Variants in RAB38 observed in about 807,000 individuals in gnomAD.
RAB38 encodes the protein RAB38, member RAS oncogene family.
RAB38 carries 15 observed loss-of-function variants against 18.4 expected under a neutral mutation model. The observed-to-expected ratio is 0.82, with a 90% CI of 0.55 to 1.26. The LOEUF (loss-of-function observed/expected upper bound fraction) is 1.26, where lower values mean the gene tolerates loss of function less well. RAB38 is among the 50% of genes most tolerant of loss of function. RAB38 has a pLI of 0.00. For synonymous variants in RAB38, 101 were observed against 104.4 expected (o/e 0.97, Z 0.20); for missense variants, 294 against 267.4 (o/e 1.10, Z -0.69).
chr11:87,953,453 A>C, the RAB38 span, among the ~76,000 whole-genome samples: 2 of 152,186 alleles, frequency 1.3e-5, no homozygotes, highest in Non-Finnish European at 2.9e-5. Flanking sequence ...GGTTTTAGCT[A>C]CTTATATTTA....
chr11:88,008,999 G>A, the RAB38 span, among the ~76,000 whole-genome samples: 720 of 152,218 alleles, frequency 4.7e-3, 3 homozygotes, highest in African/African-American at 0.017. Flanking sequence ...GTAAACAAAC[G>A]TGGTCTCTAA....
intron 2 of RAB38, among the ~76,000 whole-genome samples, chr11:88,126,895 T>C (rs1306634199): frequency 6.6e-6 from 1 of 152,126 alleles, no homozygotes; most frequent in Non-Finnish European, 1.5e-5. Flanking sequence ...AACTTAGCAA[T>C]AGTGCTGGCA....
chr11:87,832,845 C>T, the RAB38 span, among the ~76,000 whole-genome samples: 1 of 152,024 alleles, frequency 6.6e-6, no homozygotes, highest in African/African-American at 2.4e-5. Context: ...GTCCCTTTTA[C>T]CATGTAACGT....
the RAB38 span, among the ~76,000 whole-genome samples, chr11:88,005,253 G>A: frequency 6.6e-6 from 1 of 151,414 alleles, no homozygotes; most frequent in African/African-American, 2.4e-5. Context: ...TAAAGCCAAT[G>A]AAGACAGCGG....
the RAB38 span, among the ~76,000 whole-genome samples, chr11:87,938,423 CT>C: frequency 6.6e-6 from 1 of 152,064 alleles, no homozygotes; most frequent in Non-Finnish European, 1.5e-5. Flanking sequence ...CCTTAGCCCT[CT>C]CTGGCACTAC....
At chr11:88,134,741 A>G (rs936222633) in intron 2 of RAB38, among the ~76,000 whole-genome samples, 29 of 152,192 alleles carry the variant, frequency 1.9e-4, no homozygotes, top group African/African-American at 7.0e-4. Flanking sequence ...TCTGCTTCCA[A>G]CCTTTCTCAC....
At chr11:88,094,774 T>A in the RAB38 span, among the ~76,000 whole-genome samples, 1 of 151,972 alleles carries the variant, frequency 6.6e-6, no homozygotes, top group Non-Finnish European at 1.5e-5. Flanking sequence ...AATTTGTAAC[T>A]GCCAACTTCG....
At chr11:87,968,854 C>A in the RAB38 span, among the ~76,000 whole-genome samples, 2 of 152,064 alleles carry the variant, frequency 1.3e-5, no homozygotes, top group African/African-American at 4.8e-5. Flanking sequence ...AATGTGTACA[C>A]CTGGACATAG....
chr11:88,018,531 C>T, the RAB38 span, among the ~76,000 whole-genome samples: 1 of 152,112 alleles, frequency 6.6e-6, no homozygotes, highest in Non-Finnish European at 1.5e-5. Context: ...CTCCATTTCT[C>T]ATTTTGAACC....
chr11:88,127,950 C>A (rs1399534455), intron 2 of RAB38, among the ~76,000 whole-genome samples: 1 of 152,182 alleles, frequency 6.6e-6, no homozygotes, highest in Non-Finnish European at 1.5e-5. Flanking sequence ...ATCTTGACAG[C>A]AGTTATCATA....
chr11:88,082,305 C>G, the RAB38 span, among the ~76,000 whole-genome samples: 3 of 151,564 alleles, frequency 2.0e-5, no homozygotes, highest in East Asian at 3.9e-4. Flanking sequence ...TGTTAATCAT[C>G]TTAATATATT....
At chr11:88,135,687 T>C (rs772011571) in intron 2 of RAB38, among the ~76,000 whole-genome samples, 8 of 152,196 alleles carry the variant, frequency 5.3e-5, no homozygotes, top group Non-Finnish European at 8.8e-5. Flanking sequence ...CCAGATGAAA[T>C]AGAATGTGAC....
At chr11:87,896,289 A>G in the RAB38 span, among the ~76,000 whole-genome samples, 1 of 151,676 alleles carries the variant, frequency 6.6e-6, no homozygotes, top group Non-Finnish European at 1.5e-5. Flanking sequence ...ACCCTTCCCC[A>G]GCCATCTGTG....
At chr11:87,929,599 A>C in the RAB38 span, among the ~76,000 whole-genome samples, 6 of 151,300 alleles carry the variant, frequency 4.0e-5, no homozygotes, top group East Asian at 1.2e-3. Flanking sequence ...GTTTTAGGGT[A>C]CATGTATACA....
intron 1 of RAB38, among the ~76,000 whole-genome samples, chr11:88,160,731 C>G (rs866350875): frequency 1.2e-4 from 18 of 152,224 alleles, no homozygotes; most frequent in Admixed American, 1.1e-3. Flanking sequence ...AATGCAGGAA[C>G]AGAAAACTAA....
At chr11:88,006,166 TA>T in the RAB38 span, among the ~76,000 whole-genome samples, 95,134 of 148,914 alleles carry the variant, frequency 0.64, 30,294 homozygotes, top group East Asian at 0.73. Flanking sequence ...CCAACAGAAA[TA>T]AAAAAAAAAA....
chr11:88,154,258 T>C (rs1943098693), intron 1 of RAB38, among the ~76,000 whole-genome samples: 1 of 152,178 alleles, frequency 6.6e-6, no homozygotes, highest in Admixed American at 6.5e-5. Context: ...TCCGAGTGCA[T>C]AGAAAGGCAA....
At chr11:87,972,281 A>G in the RAB38 span, among the ~76,000 whole-genome samples, 1 of 152,102 alleles carries the variant, frequency 6.6e-6, no homozygotes, top group Admixed American at 6.6e-5. Flanking sequence ...TTATCTAAAC[A>G]ATTTGAACAC....
chr11:87,938,716 T>C, the RAB38 span, among the ~76,000 whole-genome samples: 1 of 150,860 alleles, frequency 6.6e-6, no homozygotes, highest in Non-Finnish European at 1.5e-5. Flanking sequence ...TTAAAATTGT[T>C]TGTGACCATG....
Sources: allele counts gnomAD v4.1 joint callset (sites outside exome capture counted in the v4.1 genomes callset), GRCh38; gene constraint gnomAD v4.1.1; transcripts MANE v1.5; gene names NCBI Gene and HGNC (gene_info 2026-07-23, HGNC 2026-07-21).